The following ERBB4 variants were observed in gnomAD, a reference collection of about 807,000 sequenced individuals.
ERBB4 encodes receptor tyrosine-protein kinase erbB-4.
Under a neutral mutation model 158.0 loss-of-function variants are expected in ERBB4, and 42 were observed. The ratio of observed to expected loss-of-function variants is 0.27; its 90% CI spans 0.21 to 0.34. The LOEUF (loss-of-function observed/expected upper bound fraction) is 0.34. ERBB4 is among the 10% of genes least tolerant of loss of function. The pLI is 1.00. For missense variants in ERBB4, 1,333 were observed against 1,624.1 expected, an observed-to-expected ratio of 0.82 and a Z score of 3.08; for synonymous variants, 583 against 558.7, an observed-to-expected ratio of 1.04 and a Z score of -0.61.
At chr2:212,091,609 C>A (rs906479151) in intron 2 of ERBB4, among the ~76,000 whole-genome samples, 6 of 151,900 alleles carry the variant, frequency 3.9e-5, no homozygotes, top group Admixed American at 3.3e-4. Flanking sequence ...TGGAAAGGAA[C>A]AAAGGGCTTA....
chr2:212,150,555 C>T (rs1485275429), intron 1 of ERBB4, among the ~76,000 whole-genome samples: 6 of 151,994 alleles, frequency 3.9e-5, no homozygotes, highest in Admixed American at 2.0e-4. Context: ...TTTTTTCCCT[C>T]GATCCTCCTT....
intron 3 of ERBB4, among the ~76,000 whole-genome samples, chr2:211,927,585 A>G (rs1466861674): frequency 6.6e-6 from 1 of 152,186 alleles, no homozygotes; most frequent in Non-Finnish European, 1.5e-5. Flanking sequence ...CAGGCTCCAC[A>G]TTAACAGAAT....
chr2:212,356,552 T>G (rs985268696), intron 1 of ERBB4, among the ~76,000 whole-genome samples: 1 of 151,978 alleles, frequency 6.6e-6, no homozygotes, highest in South Asian at 2.1e-4. Context: ...TCTTCATAAT[T>G]TATCACATAA....
chr2:211,686,205 C>T (rs890949451), intron 12 of ERBB4, among the ~76,000 whole-genome samples: 1 of 152,058 alleles, frequency 6.6e-6, no homozygotes, highest in African/African-American at 2.4e-5. Context: ...AAGCCTTCAG[C>T]TTTTCACCAT....
chr2:212,053,634 C>T (rs1436387518), intron 2 of ERBB4, among the ~76,000 whole-genome samples: 7 of 152,292 alleles, frequency 4.6e-5, no homozygotes, highest in African/African-American at 1.7e-4. Flanking sequence ...TAGAAACAGA[C>T]TCCTTAAAGT....
intron 18 of ERBB4, among the ~76,000 whole-genome samples, chr2:211,620,213 G>A (rs1436214633): frequency 6.6e-6 from 1 of 151,926 alleles, no homozygotes; most frequent in Non-Finnish European, 1.5e-5. Flanking sequence ...AGAGCATGAG[G>A]ACAAAAACCG....
chr2:212,218,482 A>G (rs1644935678), intron 1 of ERBB4, among the ~76,000 whole-genome samples: 1 of 151,312 alleles, frequency 6.6e-6, no homozygotes, highest in African/African-American at 2.4e-5. Context: ...TGGTAAGACA[A>G]TAAGAAAATA....
chr2:211,944,173 T>C (rs1343335804), intron 3 of ERBB4, among the ~76,000 whole-genome samples: 1 of 50,024 alleles, frequency 2.0e-5, no homozygotes, highest in African/African-American at 9.3e-5. Context: ...ACTATATATA[T>C]ATACTATATA....
chr2:212,260,070 GAAAAA>G (rs750606432), intron 1 of ERBB4, among the ~76,000 whole-genome samples: 42 of 56,944 alleles, frequency 7.4e-4, no homozygotes, highest in Non-Finnish European at 1.0e-3. Flanking sequence ...CTCTGTCTCA[GAAAAA>G]AAAAAAAAAA....
At chr2:211,553,400 T>C (rs552091410) in intron 20 of ERBB4, among the ~76,000 whole-genome samples, 17 of 152,296 alleles carry the variant, frequency 1.1e-4, no homozygotes, top group African/African-American at 4.1e-4. Context: ...ATATTGAATA[T>C]TAAACATGAG....
intron 2 of ERBB4, among the ~76,000 whole-genome samples, chr2:212,001,351 A>G (rs2076098740): frequency 6.6e-6 from 1 of 152,080 alleles, no homozygotes; most frequent in African/African-American, 2.4e-5. Flanking sequence ...AGATTACTAT[A>G]TCTTTCCTAA....
rs151294467 is a variant in ERBB4, at chr2:211,643,879, T to C, written c.1947-13285A>G. On this transcript the variant is annotated intron_variant, in intron 16 of 27. Transcript: ENST00000342788. ...ATGTGCTGTAATAGACAGGATATTA[T>C]GTGTCATCCATTTCCAAGCAGTAAT... is the stretch of plus-strand genomic sequence containing the variant. Among the ~76,000 whole-genome samples, 3 of 152,180 alleles carry C rather than the reference T, an allele frequency of 2.0e-5. No individual in the cohort carries two copies. The East Asian group carries it at 5.8e-4, about 29-fold the overall frequency.
intron 3 of ERBB4, among the ~76,000 whole-genome samples, chr2:211,914,166 G>A (rs777978375): frequency 1.3e-5 from 2 of 151,234 alleles, no homozygotes; most frequent in Non-Finnish European, 2.9e-5. Context: ...ACCCAAGATA[G>A]AGATATAAGA....
Position 212,311,730 on chromosome 2 carries a change from A to G in ERBB4, c.83-186827T>C, listed in dbSNP as rs184426423. Among the ~76,000 whole-genome samples, 436 of 151,074 alleles carry G rather than the reference A, an allele frequency of 2.9e-3. 2 individuals carry two copies. Among genetic ancestry groups the G allele is most frequent in the African/African-American group, 9.8e-3 (404 of 41,418 alleles). On this transcript the variant is annotated intron_variant, in intron 1 of 27. Coordinates refer to ENST00000342788, the MANE Select transcript of ERBB4 (RefSeq NM_005235.3). ...TATTCATAACAATTTTGGAAATAAA[A>G]AAGCTTCTATCCATTAACCAGAAGC...
chr2:211,531,736 T>A (rs555939751), intron 20 of ERBB4, among the ~76,000 whole-genome samples: 1 of 152,092 alleles, frequency 6.6e-6, no homozygotes, highest in Non-Finnish European at 1.5e-5. Flanking sequence ...ACAACCACTA[T>A]GGAGAACAGT....
chr2:212,035,227 C>A (rs1051171209), intron 2 of ERBB4, among the ~76,000 whole-genome samples: 2 of 152,174 alleles, frequency 1.3e-5, no homozygotes, highest in Admixed American at 6.5e-5. Flanking sequence ...TGCTCCTTAG[C>A]ATAATTTGAT....
intron 3 of ERBB4, among the ~76,000 whole-genome samples, chr2:211,833,851 A>G (rs1157192843): frequency 6.6e-6 from 1 of 152,088 alleles, no homozygotes; most frequent in Non-Finnish European, 1.5e-5. Flanking sequence ...CCTTTTTAAA[A>G]TGAAACTTTC....
intron 16 of ERBB4, 28 bp from the exon 17 acceptor site, chr2:211,630,622 A>G: frequency 1.3e-6 from 2 of 1,586,112 alleles, no homozygotes; most frequent in African/African-American, 1.4e-5. Flanking sequence ...AAAAAAAAAA[A>G]TAAAAAGTAT....
intron 3 of ERBB4, among the ~76,000 whole-genome samples, chr2:211,831,147 C>G (rs2077209812): frequency 6.6e-6 from 1 of 152,088 alleles, no homozygotes; most frequent in South Asian, 2.1e-4. Flanking sequence ...ATTAAAGAAT[C>G]TCTAATTAGG....
Sources: gnomAD v4.1 joint callset for allele counts (sites outside exome capture counted in the v4.1 genomes callset) on GRCh38, gnomAD v4.1.1 for gene constraint, MANE v1.5 for transcripts, NCBI Gene and HGNC (gene_info 2026-07-23, HGNC 2026-07-21) for gene names.